The following TRAPPC10 variants were observed in gnomAD, a reference collection of about 807,000 sequenced individuals.
TRAPPC10 encodes the protein TRAPP 130 kDa subunit.
Under a neutral mutation model 125.5 loss-of-function variants are expected in TRAPPC10, and 23 were observed. The observed-to-expected ratio is 0.18, with a 90% CI of 0.13 to 0.26. The LOEUF is 0.26. Ranked by LOEUF, TRAPPC10 falls within the 10% of genes least tolerant of loss-of-function variation. The pLI is 1.00. For synonymous variants in TRAPPC10, 509 were observed against 518.0 expected (o/e 0.98, Z 0.24); for missense variants, 1,123 against 1,308.4 (o/e 0.86, Z 2.19).
intron 1 of TRAPPC10, among the ~76,000 whole-genome samples, chr21:44,018,294 A>G (rs2032097892): frequency 1.3e-5 from 2 of 152,074 alleles, no homozygotes; most frequent in South Asian, 4.1e-4. Flanking sequence ...ACTCCCAGCT[A>G]CTTGGGAGGC....
chr21:44,018,605 AGGAGAATTGCTTGAATCTG>A (rs1023089238), intron 1 of TRAPPC10, among the ~76,000 whole-genome samples: 4 of 151,746 alleles, frequency 2.6e-5, no homozygotes, highest in Non-Finnish European at 5.9e-5. Context: ...AGGTTGAGGC[AGGAGAATTGCTTGAATCTG>A]GGAGGCGGAG....
At chr21:44,084,078 A>G (rs768128662) in intron 14 of TRAPPC10, 44 bp from the exon 15 acceptor site, 25 of 1,611,284 alleles carry the variant, frequency 1.6e-5, no homozygotes, top group Admixed American at 3.4e-5. Flanking sequence ...GCTAACTGCA[A>G]AACTGGGTGA....
intron 1 of TRAPPC10, among the ~76,000 whole-genome samples, chr21:44,023,355 G>C (rs1206501462): frequency 6.6e-6 from 1 of 151,986 alleles, no homozygotes; most frequent in Admixed American, 6.6e-5. Flanking sequence ...TTTTCAAAGT[G>C]AGTTGGTTCA....
At chr21:44,029,423 T>G (rs2033378348) in intron 1 of TRAPPC10, among the ~76,000 whole-genome samples, 1 of 152,220 alleles carries the variant, frequency 6.6e-6, no homozygotes, top group Admixed American at 6.5e-5. Context: ...GTGCTGGTTC[T>G]CCATACCCCA....
rs1189586672 is a variant in TRAPPC10 at position 44,034,334 on chromosome 21, C to G, written c.149+2162C>G. Reference sequence around the variant, plus strand: ...TGCTGTCATTGCCCACTCCCCCAACCCCCCCCCCCACCCCCGCCGCCCCTC... The same window carrying G: ...TGCTGTCATTGCCCACTCCCCCAACGCCCCCCCCCACCCCCGCCGCCCCTC... On this transcript the variant is annotated intron_variant, in intron 2 of 22. Coordinates refer to ENST00000291574, the MANE Select transcript of TRAPPC10 (RefSeq NM_003274.5). 5.0e-5 allele frequency among the ~76,000 whole-genome samples: 3 copies of G among 60,374 alleles called. No individual in the cohort carries two copies. The African/African-American group carries it at 1.0e-3, about 20-fold the overall frequency. The allele number at this position is 60,374 out of a possible 152,430, so 39.6% of individuals were successfully genotyped here. A position where few individuals can be genotyped will look rare whatever the true frequency, so the allele number is the denominator to read the frequency against.
At chr21:44,031,601 G>A (rs117529034) in intron 1 of TRAPPC10, among the ~76,000 whole-genome samples, 97 of 152,322 alleles carry the variant, frequency 6.4e-4, no homozygotes, top group Admixed American at 1.4e-3. Context: ...ATGAGAGGGT[G>A]CCTGGCAGGT....
At chr21:44,028,007 G>A (rs1348309576) in intron 1 of TRAPPC10, among the ~76,000 whole-genome samples, 1 of 152,162 alleles carries the variant, frequency 6.6e-6, no homozygotes, top group Non-Finnish European at 1.5e-5. Context: ...TGTTGTTATG[G>A]CAGCCTGAAC....
chr21:44,080,183 AAAAG>A, intron 13 of TRAPPC10, 56 bp downstream of exon 13: 5 of 1,457,638 alleles, frequency 3.4e-6, no homozygotes, highest in Non-Finnish European at 4.8e-6. Flanking sequence ...ACAGAAGTAA[AAAAG>A]AATACAAGAT....
chr21:44,077,904 T>G, intron 11 of TRAPPC10, 120 bp downstream of exon 11: 9 of 640,282 alleles, frequency 1.4e-5, no homozygotes, highest in Non-Finnish European at 2.0e-5. Flanking sequence ...GTAGATTCTC[T>G]TACCCAGTCC....
chr21:44,064,102 C>T (rs1446971995), intron 7 of TRAPPC10, among the ~76,000 whole-genome samples: 1 of 152,176 alleles, frequency 6.6e-6, no homozygotes, highest in East Asian at 1.9e-4. Context: ...GAGTCACTCA[C>T]CTGAGGGACA....
rs2037855925 is a variant in TRAPPC10, at chr21:44,082,855, T to C, written c.1791T>C (p.Asn597=). ...QLRDLHFDPS[N]AVVHVGGVLC... is the part of the protein sequence containing the mutation. ...GAGATCTCCATTTTGATCCCTCCAA[T>C]GCCGTGGTCCACGTGGGCGGCGTTT... Residue 597 remains asparagine, a synonymous_variant, in exon 14 of 23, where the codon AAT becomes AAC. Coordinates refer to ENST00000291574, the MANE Select transcript of TRAPPC10 (RefSeq NM_003274.5). The surrounding 1 kb of genome is among the most constrained non-coding windows in gnomAD (Gnocchi z 4.4). 1 of 1,614,166 alleles carries C rather than the reference T, an allele frequency of 6.2e-7. No homozygotes were observed. Among genetic ancestry groups the C allele is most frequent in the East Asian group, 2.2e-5 (1 of 44,880 alleles).
chr21:44,095,892 G>C (rs1485336045), intron 20 of TRAPPC10, among the ~76,000 whole-genome samples: 2 of 150,592 alleles, frequency 1.3e-5, no homozygotes, highest in Non-Finnish European at 3.0e-5. Flanking sequence ...GTATGTTGCT[G>C]TATCTATTCA....
chr21:44,081,943 T>A (rs1021834936), intron 13 of TRAPPC10, among the ~76,000 whole-genome samples: 1 of 152,158 alleles, frequency 6.6e-6, no homozygotes, highest in Non-Finnish European at 1.5e-5. Flanking sequence ...GACGTTAGTC[T>A]GTGGAGTCTT....
chr21:44,033,576 G>A (rs2033757561), intron 2 of TRAPPC10, among the ~76,000 whole-genome samples: 1 of 152,200 alleles, frequency 6.6e-6, no homozygotes, highest in Non-Finnish European at 1.5e-5. Flanking sequence ...GAGAAACTAT[G>A]TAGGCCCGGC....
chr21:44,035,736 C>A (rs2033940030), intron 2 of TRAPPC10, among the ~76,000 whole-genome samples: 1 of 152,072 alleles, frequency 6.6e-6, no homozygotes, highest in South Asian at 2.1e-4. Flanking sequence ...AAGATTGCAC[C>A]ATTACACTCC....
chr21:44,043,873 G>C (rs1208879068), intron 3 of TRAPPC10, among the ~76,000 whole-genome samples: 1 of 152,218 alleles, frequency 6.6e-6, no homozygotes, highest in Non-Finnish European at 1.5e-5. Flanking sequence ...AAGGCCACTC[G>C]CAGGTGTTCA....
At chr21:44,046,980 G>A in intron 3 of TRAPPC10, 3 of 822,806 alleles carry the variant, frequency 3.6e-6, no homozygotes, top group Non-Finnish European at 6.2e-6. Flanking sequence ...CCGGCTCTGC[G>A]AGCGGGAAAC....
Position 44,071,065 on chromosome 21 carries a change from G to A in TRAPPC10, c.1039-3259G>A, listed in dbSNP as rs536241211. Among the ~76,000 whole-genome samples, 19 of 152,308 alleles carry A rather than the reference G, an allele frequency of 1.2e-4. No homozygotes were observed. The East Asian group carries it at 1.5e-3, about 12-fold the overall frequency. ...AAGCAGCAGTGAAAAAGAACAGGCC[G>A]ACAGACTCAGCAAGGTTGAATCTTA... On this transcript the variant is annotated intron_variant, in intron 7 of 22. Transcript: ENST00000291574.
rs561615355 is a variant in TRAPPC10 at position 44,059,737 on chromosome 21, C to T, written c.790+523C>T. 5 of 462,776 alleles carry T rather than the reference C, an allele frequency of 1.1e-5. No individual in the cohort carries two copies. Among genetic ancestry groups the T allele is most frequent in the South Asian group, 1.1e-4 (2 of 18,278 alleles). The allele number at this position is 462,776 out of a possible 1,614,324, so 28.7% of individuals were successfully genotyped here. On this transcript the variant is annotated intron_variant, in intron 6 of 22. Transcript: ENST00000291574. This position sits in a 1 kb window ranked among gnomAD's most constrained non-coding sequence, Gnocchi z 4.4. Reference sequence around the variant, plus strand: ...ATTGGTTATTGTCCTCAGTGTTTTTCGCTGATACTTATTTTGATGAAAGTG... The same window carrying T: ...ATTGGTTATTGTCCTCAGTGTTTTTTGCTGATACTTATTTTGATGAAAGTG...
Sources: gnomAD v4.1 joint callset for allele counts (sites outside exome capture counted in the v4.1 genomes callset) on GRCh38, gnomAD v4.1.1 for gene constraint, Gnocchi (gnomAD v3.1) non-coding constraint, MANE v1.5 for transcripts, NCBI Gene and HGNC (gene_info 2026-07-23, HGNC 2026-07-21) for gene names.